Variants in WDFY4 observed in about 807,000 individuals in gnomAD.
WDFY4 encodes WDFY family member 4.
WDFY4 carries 169 observed loss-of-function variants against 351.9 expected under a neutral mutation model. The ratio of observed to expected loss-of-function variants is 0.48; its 90% CI spans 0.42 to 0.55. The LOEUF is 0.55. Among genes scored for constraint, WDFY4 ranks in the 20% least tolerant of loss-of-function variants. The pLI is 0.00. For missense variants in WDFY4, 3,803 were observed against 3,935.6 expected (o/e 0.97, Z 0.90); for synonymous variants, 1,622 against 1,574.6 (o/e 1.03, Z -0.71).
At chr10:48,953,414 C>T (rs887650518) in intron 51 of WDFY4, among the ~76,000 whole-genome samples, 13 of 151,624 alleles carry the variant, frequency 8.6e-5, no homozygotes, top group South Asian at 2.1e-4. Context: ...AGGGCATGGG[C>T]GGTTAAAGAG....
At chr10:48,967,832 A>G (rs965437055) in intron 55 of WDFY4, 4 of 152,282 alleles carry the variant, frequency 2.6e-5, no homozygotes, top group African/African-American at 4.8e-5. Context: ...TAAGTTTTCA[A>G]TGGTTTTAGT....
intron 51 of WDFY4, among the ~76,000 whole-genome samples, 166 bp from the exon 52 acceptor site, chr10:48,956,963 G>C (rs1841619905): frequency 6.6e-6 from 1 of 152,204 alleles, no homozygotes; most frequent in African/African-American, 2.4e-5. Flanking sequence ...CCGGTGGCTG[G>C]AGAACCACGG....
At chr10:48,891,528 G>A (rs12773666) in intron 44 of WDFY4, among the ~76,000 whole-genome samples, 19,050 of 152,256 alleles carry the variant, frequency 0.13, 1,325 homozygotes, top group Middle Eastern at 0.21. Flanking sequence ...AGAGTTCTTC[G>A]TGCAGAGATA....
intron 42 of WDFY4, among the ~76,000 whole-genome samples, chr10:48,875,444 T>C (rs1201319709): frequency 6.6e-6 from 1 of 152,256 alleles, no homozygotes; most frequent in African/African-American, 2.4e-5. Flanking sequence ...AGACAGGGTC[T>C]TGTGCTGTCA....
chr10:48,843,937 C>T (rs138190105), intron 39 of WDFY4, among the ~76,000 whole-genome samples: 21 of 152,324 alleles, frequency 1.4e-4, no homozygotes, highest in African/African-American at 4.8e-4. Context: ...ATTCAAAAGA[C>T]AGAAGTGTCC....
chr10:48,902,007 C>T (rs1432292332), intron 47 of WDFY4, 144 bp downstream of exon 47: 2 of 751,344 alleles, frequency 2.7e-6, no homozygotes, highest in Middle Eastern at 3.7e-4. Flanking sequence ...TCCTATACAT[C>T]CTTCATCCTA....
At chr10:48,703,656 G>A (rs17011106) in intron 1 of WDFY4, among the ~76,000 whole-genome samples, 18,583 of 152,060 alleles carry the variant, frequency 0.12, 1,372 homozygotes, top group African/African-American at 0.21. Context: ...CAAGGGCGCT[G>A]CTAGATCACA....
rs962511680 is a variant in WDFY4, at chr10:48,982,900, T to C, written c.*325T>C. On this transcript the variant is annotated 3_prime_UTR_variant, in exon 62 of 62. Coordinates refer to ENST00000325239, the MANE Select transcript of WDFY4 (RefSeq NM_001394531.1). ...ACTGAAAAAAAAAAAGATGGGTCGC[T>C]TACTGGAAATTATTGTATTGTCTTT... is the stretch of plus-strand genomic sequence containing the variant. The C allele has an allele frequency of 5.2e-6, 2 of 385,290 alleles. No individual in the cohort carries two copies. Among genetic ancestry groups the C allele is most frequent in the South Asian group, 2.0e-5 (1 of 49,268 alleles). 23.9% of individuals were successfully genotyped at this position (385,290 alleles called of 1,614,324 possible).
At chr10:48,907,764 T>C (rs932911880) in intron 47 of WDFY4, among the ~76,000 whole-genome samples, 65 of 152,258 alleles carry the variant, frequency 4.3e-4, no homozygotes, top group African/African-American at 1.5e-3. Context: ...GGTACACAAA[T>C]GCTTAACTAG....
intron 47 of WDFY4, among the ~76,000 whole-genome samples, chr10:48,933,041 G>A (rs1327961748): frequency 2.0e-5 from 3 of 152,160 alleles, no homozygotes; most frequent in Non-Finnish European, 4.4e-5. Context: ...GCAGAGGCAG[G>A]GAAGGAGAGT....
intron 39 of WDFY4, among the ~76,000 whole-genome samples, chr10:48,848,303 A>G (rs1190088796): frequency 2.0e-5 from 3 of 152,218 alleles, no homozygotes; most frequent in South Asian, 2.1e-4. Context: ...AATTGCTTCT[A>G]TCACTCAACT....
At position 48,774,605 on chromosome 10, in the gene WDFY4, C is replaced by T. The variant is rs1230617177; in HGVS notation, c.2701C>T (p.Leu901Phe). The T allele has an allele frequency of 1.9e-6, 3 of 1,551,638 alleles. No individual in the cohort carries two copies. The highest frequency in any genetic ancestry group is 1.2e-5 in the South Asian group (1 of 84,066). ...GGCCCTGGTCACCAGTGGCAGCCCCCTCCACTCACGCCTCATCAGGATCTT... is the reference window on the plus strand; with the variant it reads ...GGCCCTGGTCACCAGTGGCAGCCCCTTCCACTCACGCCTCATCAGGATCTT... ...HRALVTSGSP[L>F]HSRLIRIFEK... The change falls in exon 14 of 62, where the codon CTC becomes TTC. Residue 901 changes from leucine (L) to phenylalanine (F), a missense_variant. This residue lies in a region of WDFY4 where 3,054 missense variants were observed against 3,148.6 expected (regional missense o/e 0.97). Transcript: ENST00000325239.
intron 47 of WDFY4, chr10:48,910,269 A>C: frequency 6.3e-7 from 1 of 1,589,056 alleles, no homozygotes; most frequent in Non-Finnish European, 8.6e-7. Context: ...CTGGGGATGG[A>C]GACACAAGAA....
At chr10:48,740,328 C>T (rs1393611115) in intron 11 of WDFY4, among the ~76,000 whole-genome samples, 1 of 152,194 alleles carries the variant, frequency 6.6e-6, no homozygotes, top group Non-Finnish European at 1.5e-5. Flanking sequence ...CCACCACACA[C>T]ACGTCAAGGT....
chr10:48,976,711 T>G, intron 58 of WDFY4, 86 bp from the exon 59 acceptor site: 1 of 1,228,354 alleles, frequency 8.1e-7, no homozygotes, highest in Non-Finnish European at 1.1e-6. Context: ...TGAGAGTACT[T>G]GGGTGTACCA....
chr10:48,804,898 G>T, intron 25 of WDFY4: 15 of 494,500 alleles, frequency 3.0e-5, no homozygotes, highest in Non-Finnish European at 3.9e-5. Context: ...GAAGGGCCCT[G>T]CACTCCTGGC....
At chr10:48,816,768 A>T (rs2067632642) in intron 31 of WDFY4, among the ~76,000 whole-genome samples, 1 of 152,238 alleles carries the variant, frequency 6.6e-6, no homozygotes, top group Non-Finnish European at 1.5e-5. Flanking sequence ...AGCAAACATA[A>T]AAAGGTTAAA....
At chr10:48,977,643 G>A (rs1036803365) in intron 59 of WDFY4, among the ~76,000 whole-genome samples, 9 of 152,206 alleles carry the variant, frequency 5.9e-5, no homozygotes, top group Non-Finnish European at 1.2e-4. Context: ...TGGGGTGGCC[G>A]AGCTGCAGAG....
chr10:48,784,844 C>T (rs12250158), intron 19 of WDFY4, among the ~76,000 whole-genome samples: 21,422 of 124,040 alleles, frequency 0.17, 2,459 homozygotes, highest in Middle Eastern at 0.36. Flanking sequence ...CCAGTTGCAT[C>T]GTTTACTTTT....
Sources: gnomAD v4.1 joint callset for allele counts (sites outside exome capture counted in the v4.1 genomes callset) on GRCh38, gnomAD v4.1.1 for gene constraint, gnomAD v4.1.1 regional missense constraint, MANE v1.5 for transcripts, NCBI Gene and HGNC (gene_info 2026-07-23, HGNC 2026-07-21) for gene names.